ZNHIT3: variants seen among roughly 807,000 people sequenced by gnomAD.
ZNHIT3 encodes the protein zinc finger HIT-type containing 3.
Under a neutral mutation model 19.9 loss-of-function variants are expected in ZNHIT3, and 27 were observed. The observed-to-expected ratio is 1.36, with a 90% CI of 1.00 to 1.87. The LOEUF (loss-of-function observed/expected upper bound fraction) is 1.87, where lower values mean the gene tolerates loss of function less well. Ranked by LOEUF, ZNHIT3 falls within the 40% of genes most tolerant of loss-of-function variation. ZNHIT3 has a pLI of 0.00. For synonymous variants in ZNHIT3, 81 were observed against 65.7 expected (o/e 1.23, Z -1.13); for missense variants, 215 against 185.6 (o/e 1.16, Z -0.92).
At chr17:36,494,238 C>T (rs1389101931) in intron 4 of ZNHIT3, among the ~76,000 whole-genome samples, 1 of 152,220 alleles carries the variant, frequency 6.6e-6, no homozygotes, top group African/African-American at 2.4e-5. Flanking sequence ...GCTCCTCCTT[C>T]AAGCCTTGGT....
intron 2 of ZNHIT3, among the ~76,000 whole-genome samples, chr17:36,488,617 T>G (rs923356843): frequency 2.0e-5 from 3 of 152,196 alleles, no homozygotes; most frequent in Non-Finnish European, 4.4e-5. Flanking sequence ...AAGGACTGTA[T>G]GTTATTTCAT....
At chr17:36,487,109 C>T (rs2070582090) in intron 2 of ZNHIT3, 143 bp downstream of exon 2, 1 of 1,128,064 alleles carries the variant, frequency 8.9e-7, no homozygotes, top group Non-Finnish European at 1.2e-6. Context: ...ACCTTGCTTC[C>T]TCTGACTTGG....
chr17:36,489,314 G>C (rs1201165813), intron 2 of ZNHIT3: 2 of 152,130 alleles, frequency 1.3e-5, no homozygotes, highest in Non-Finnish European at 2.9e-5. Flanking sequence ...ATACAGTAGT[G>C]GGATTGCTGG....
intron 3 of ZNHIT3, 65 bp from the exon 4 acceptor site, chr17:36,493,861 G>T (rs1201046829): frequency 3.1e-5 from 35 of 1,111,942 alleles, no homozygotes; most frequent in Middle Eastern, 2.0e-4. Context: ...TTCAAGTAGT[G>T]GTTAAAATCT....
intron 1 of ZNHIT3, 33 bp downstream of exon 1, chr17:36,486,818 G>T (rs1179359778): frequency 1.2e-6 from 2 of 1,607,278 alleles, no homozygotes; most frequent in South Asian, 2.2e-5. Flanking sequence ...CCAGGGGCGC[G>T]GGTGTCCGGC....
chr17:36,493,130 G>T, intron 3 of ZNHIT3: 1 of 579,628 alleles, frequency 1.7e-6, no homozygotes, highest in Non-Finnish European at 3.1e-6. Flanking sequence ...ACAGAGATGA[G>T]AAAGGCCATG....
chr17:36,488,200 A>C (rs2070630604), intron 2 of ZNHIT3, among the ~76,000 whole-genome samples: 2 of 151,810 alleles, frequency 1.3e-5, no homozygotes, highest in South Asian at 4.2e-4. Flanking sequence ...CAGCAATGAG[A>C]CTGTACCCAA....
chr17:36,496,013 T>G (rs1370349330), downstream of ZNHIT3: 5 of 779,972 alleles, frequency 6.4e-6, no homozygotes, highest in Admixed American at 1.7e-4. Flanking sequence ...GGCCCTGATG[T>G]TTCTTAACCC....
At chr17:36,490,999 A>G (rs2070713741) in intron 2 of ZNHIT3, 1 of 151,840 alleles carries the variant, frequency 6.6e-6, no homozygotes, top group Admixed American at 6.6e-5. Context: ...TTTAATTTTA[A>G]TTTTTGTGGA....
At chr17:36,492,529 A>T in intron 2 of ZNHIT3, 1 of 411,394 alleles carries the variant, frequency 2.4e-6, no homozygotes, top group South Asian at 4.6e-5. Flanking sequence ...GCTATTTCAA[A>T]CACCTCAGTT....
At chr17:36,488,286 T>C (rs2070634610) in intron 2 of ZNHIT3, among the ~76,000 whole-genome samples, 1 of 152,078 alleles carries the variant, frequency 6.6e-6, no homozygotes, top group Non-Finnish European at 1.5e-5. Flanking sequence ...GGCTCATGCC[T>C]GTAATCCCAG....
downstream of ZNHIT3, chr17:36,496,453 G>A: frequency 6.3e-7 from 1 of 1,594,614 alleles, no homozygotes; most frequent in South Asian, 1.1e-5. Flanking sequence ...TCCTGGGAGT[G>A]CCAGGGCCTA....
At chr17:36,497,698 C>A, downstream of ZNHIT3, 1 of 256,154 alleles carries the variant, frequency 3.9e-6, no homozygotes. Context: ...AATTCTCATG[C>A]CTCAGCCTCC....
chr17:36,494,135 A>C, intron 4 of ZNHIT3, 129 bp downstream of exon 4: 4 of 655,834 alleles, frequency 6.1e-6, no homozygotes, highest in Admixed American at 2.7e-5. Context: ...TAGCCACATA[A>C]TCTGTAAACA....
downstream of ZNHIT3, chr17:36,498,249 C>G: frequency 6.3e-7 from 1 of 1,599,844 alleles, no homozygotes; most frequent in South Asian, 1.1e-5. Flanking sequence ...CTGTCATGGC[C>G]ATCACACACA....
downstream of ZNHIT3, chr17:36,499,020 A>T (rs897608732): frequency 7.0e-7 from 1 of 1,429,516 alleles, no homozygotes; most frequent in Non-Finnish European, 9.7e-7. Flanking sequence ...ACTCGGGTCC[A>T]TCTGGTCCCC....
chr17:36,498,614 A>T, downstream of ZNHIT3: 4 of 1,504,616 alleles, frequency 2.7e-6, no homozygotes, highest in South Asian at 5.1e-5. Flanking sequence ...CTCTTAGCAG[A>T]AAATGGAAAT....
downstream of ZNHIT3, chr17:36,498,261 C>T (rs377461245): frequency 3.0e-5 from 49 of 1,607,548 alleles, no homozygotes; most frequent in African/African-American, 3.7e-4. Flanking sequence ...TCACACACAA[C>T]GTACCTGAGG....
At chr17:36,491,725 C>G (rs1405602337) in intron 2 of ZNHIT3, 2 of 152,140 alleles carry the variant, frequency 1.3e-5, no homozygotes, top group Non-Finnish European at 2.9e-5. Flanking sequence ...AACTGTTTAG[C>G]TCCAGCCTCT....
Sources: gnomAD v4.1 joint callset for allele counts (sites outside exome capture counted in the v4.1 genomes callset) on GRCh38, gnomAD v4.1.1 for gene constraint, MANE v1.5 for transcripts, NCBI Gene and HGNC (gene_info 2026-07-23, HGNC 2026-07-21) for gene names.